LRP1B: variants seen among roughly 807,000 people sequenced by gnomAD.
LRP1B encodes low-density lipoprotein receptor-related protein 1B.
A neutral mutation model predicts 556.6 loss-of-function variants in LRP1B; 217 were observed. The ratio of observed to expected loss-of-function variants is 0.39; its 90% CI spans 0.35 to 0.44. LRP1B has a LOEUF of 0.44. Among genes scored for constraint, LRP1B ranks in the 20% least tolerant of loss-of-function variants. LRP1B has a pLI of 1.00. For synonymous variants in LRP1B, 2,047 were observed against 1,865.8 expected (o/e 1.10, Z -2.50); for missense variants, 5,053 against 5,620.8 (o/e 0.90, Z 3.23).
intron 2 of LRP1B, among the ~76,000 whole-genome samples, chr2:141,539,459 C>T (rs1685178305): frequency 1.3e-5 from 2 of 152,026 alleles, no homozygotes; most frequent in South Asian, 4.1e-4. Context: ...TTTTGTAATT[C>T]CGTAGGTATT....
chr2:142,023,848 TG>T (rs112946003), intron 1 of LRP1B, among the ~76,000 whole-genome samples: 5,501 of 152,282 alleles, frequency 0.036, 229 homozygotes, highest in East Asian at 0.17. Flanking sequence ...CCTGCCTCTA[TG>T]AAGCATTTCA....
intron 25 of LRP1B, among the ~76,000 whole-genome samples, chr2:140,877,038 A>G (rs1212501538): frequency 6.6e-6 from 1 of 152,094 alleles, no homozygotes; most frequent in Non-Finnish European, 1.5e-5. Context: ...CAAGTGGGCA[A>G]AATAATGCTT....
chr2:141,676,670 T>G (rs947817086), intron 2 of LRP1B, among the ~76,000 whole-genome samples: 1 of 152,186 alleles, frequency 6.6e-6, no homozygotes, highest in Non-Finnish European at 1.5e-5. Context: ...ATCTTGGACT[T>G]GATCTAGGTT....
intron 66 of LRP1B, among the ~76,000 whole-genome samples, chr2:140,435,660 G>A (rs538130124): frequency 1.3e-5 from 1 of 79,338 alleles, no homozygotes; most frequent in East Asian, 3.8e-4. Flanking sequence ...TCCTGTTATT[G>A]TTAAGACAGA....
At chr2:140,982,378 G>A in intron 17 of LRP1B, 102 bp from the exon 18 acceptor site, 1 of 682,618 alleles carries the variant, frequency 1.5e-6, no homozygotes, top group Non-Finnish European at 2.5e-6. Flanking sequence ...AAGATAGTAT[G>A]TTTCTCTATT....
intron 41 of LRP1B, among the ~76,000 whole-genome samples, chr2:140,652,031 C>A (rs1021553496): frequency 9.4e-5 from 14 of 148,802 alleles, no homozygotes; most frequent in Non-Finnish European, 8.9e-5. Context: ...GTTCATAGAA[C>A]AAAAAAAATG....
chr2:141,482,952 GT>G (rs70994430), intron 2 of LRP1B, among the ~76,000 whole-genome samples: 136,023 of 151,854 alleles, frequency 0.9, 61,725 homozygotes, highest in East Asian at 1. Context: ...GTTTTGTTTT[GT>G]TTTTTTATTT....
At chr2:141,736,739 C>T (rs1693480240) in intron 2 of LRP1B, among the ~76,000 whole-genome samples, 1 of 152,132 alleles carries the variant, frequency 6.6e-6, no homozygotes, top group Non-Finnish European at 1.5e-5. Context: ...TTGAACTTCC[C>T]AGGAGTCATT....
intron 45 of LRP1B, among the ~76,000 whole-genome samples, chr2:140,536,961 C>G (rs1466723215): frequency 1.3e-5 from 2 of 150,624 alleles, no homozygotes; most frequent in African/African-American, 2.4e-5. Context: ...ATCATGAGGT[C>G]AGGAGATTGA....
At chr2:141,319,741 A>G (rs1192616621) in intron 3 of LRP1B, among the ~76,000 whole-genome samples, 4 of 152,080 alleles carry the variant, frequency 2.6e-5, no homozygotes, top group Non-Finnish European at 2.9e-5. Context: ...CTGTGTATTG[A>G]ATCGCAAGTT....
At chr2:140,549,849 T>A (rs1680481072) in intron 43 of LRP1B, among the ~76,000 whole-genome samples, 1 of 151,942 alleles carries the variant, frequency 6.6e-6, no homozygotes, top group African/African-American at 2.4e-5. Context: ...TGTAGTGTTG[T>A]GAGTTGTTGT....
At chr2:141,089,957 TC>T (rs1343028991) in intron 7 of LRP1B, among the ~76,000 whole-genome samples, 1 of 152,218 alleles carries the variant, frequency 6.6e-6, no homozygotes, top group African/African-American at 2.4e-5. Context: ...AGGGTTATAT[TC>T]TTCTAATCAG....
At chr2:140,376,587 G>A (rs1683241405) in intron 68 of LRP1B, among the ~76,000 whole-genome samples, 2 of 151,642 alleles carry the variant, frequency 1.3e-5, no homozygotes, top group Non-Finnish European at 1.5e-5. Context: ...AAAAAAAAAT[G>A]TTTTGACTTT....
intron 7 of LRP1B, among the ~76,000 whole-genome samples, chr2:141,108,997 T>C (rs1234973240): frequency 6.6e-6 from 1 of 152,222 alleles, no homozygotes; most frequent in Non-Finnish European, 1.5e-5. Context: ...TCAGCCATTA[T>C]TCTGAGGTTG....
intron 7 of LRP1B, among the ~76,000 whole-genome samples, chr2:141,107,440 G>A (rs941698069): frequency 1.3e-5 from 2 of 152,136 alleles, no homozygotes; most frequent in South Asian, 2.1e-4. Context: ...AAGGTCAAGA[G>A]ATCAAGACCA....
intron 3 of LRP1B, among the ~76,000 whole-genome samples, chr2:141,408,141 ATTT>A (rs35914905): frequency 8.1e-5 from 10 of 123,946 alleles, no homozygotes; most frequent in African/African-American, 3.0e-4. Flanking sequence ...ATTTGGTTCA[ATTT>A]TTTTTTTTTT....
At chr2:140,661,513 A>G (rs1225693548) in intron 41 of LRP1B, among the ~76,000 whole-genome samples, 2 of 151,780 alleles carry the variant, frequency 1.3e-5, no homozygotes, top group Non-Finnish European at 2.9e-5. Flanking sequence ...TTAAAAAAAA[A>G]AAAAAAAACG....
At chr2:141,778,564 G>A (rs531825129) in intron 2 of LRP1B, among the ~76,000 whole-genome samples, 1 of 140,992 alleles carries the variant, frequency 7.1e-6, no homozygotes, top group East Asian at 2.5e-4. Context: ...TTTGTGGTAA[G>A]TCACAGCCAT....
intron 3 of LRP1B, among the ~76,000 whole-genome samples, chr2:141,451,614 G>C (rs144486174): frequency 2.4e-4 from 37 of 152,110 alleles, no homozygotes; most frequent in Non-Finnish European, 1.5e-4. Flanking sequence ...TGTTCTCATA[G>C]AAGTTATACG....
Sources: gnomAD v4.1 joint callset for allele counts (sites outside exome capture counted in the v4.1 genomes callset) on GRCh38, gnomAD v4.1.1 for gene constraint, MANE v1.5 for transcripts, NCBI Gene and HGNC (gene_info 2026-07-23, HGNC 2026-07-21) for gene names.